GALNT14: variants seen among roughly 807,000 people sequenced by gnomAD.
GALNT14 encodes UDP-GalNAc:polypeptide N-acetylgalactosaminyltransferase 14.
In GALNT14, 60 loss-of-function variants were observed where a neutral mutation model predicts 77.5. The ratio of observed to expected loss-of-function variants is 0.77; its 90% CI spans 0.63 to 0.96. The LOEUF (loss-of-function observed/expected upper bound fraction) is 0.96. GALNT14 is among the 40% of genes least tolerant of loss of function. The pLI is 0.00. For synonymous variants in GALNT14, 280 were observed against 281.7 expected (o/e 0.99, Z 0.06); for missense variants, 710 against 731.0 (o/e 0.97, Z 0.33).
intron 3 of GALNT14, among the ~76,000 whole-genome samples, chr2:30,964,452 C>T (rs1667876653): frequency 6.6e-6 from 1 of 152,224 alleles, no homozygotes; most frequent in Non-Finnish European, 1.5e-5. Context: ...CTGTTGTCCC[C>T]ACACTTAACC....
At chr2:30,937,062 G>A (rs1666098382) in intron 9 of GALNT14, among the ~76,000 whole-genome samples, 1 of 152,182 alleles carries the variant, frequency 6.6e-6, no homozygotes, top group Non-Finnish European at 1.5e-5. Context: ...CTCTCCATCT[G>A]GGGGAAAAGC....
intron 1 of GALNT14, among the ~76,000 whole-genome samples, chr2:31,022,883 T>C (rs10207139): frequency 0.24 from 35,934 of 152,150 alleles, 4,661 homozygotes; most frequent in African/African-American, 0.34. Flanking sequence ...TCCCCGCCTA[T>C]GGGTGCCCTG....
intron 3 of GALNT14, among the ~76,000 whole-genome samples, chr2:30,964,890 G>A (rs757026371): frequency 2.0e-5 from 3 of 152,168 alleles, no homozygotes; most frequent in African/African-American, 4.8e-5. Context: ...GCCATGCGGC[G>A]GCGGGAGAGA....
chr2:31,083,420 G>C (rs140577845), intron 1 of GALNT14, among the ~76,000 whole-genome samples: 2 of 152,176 alleles, frequency 1.3e-5, no homozygotes, highest in East Asian at 1.9e-4. Flanking sequence ...AATCATTAAC[G>C]AGCTGTCTGG....
chr2:31,058,262 C>G (rs1021152890), intron 1 of GALNT14, among the ~76,000 whole-genome samples: 1 of 152,176 alleles, frequency 6.6e-6, no homozygotes, highest in African/African-American at 2.4e-5. Context: ...GAGCCTCAGC[C>G]CCTGACCCGT....
At chr2:30,897,685 C>T in the GALNT14 span, among the ~76,000 whole-genome samples, 1 of 152,180 alleles carries the variant, frequency 6.6e-6, no homozygotes, top group Non-Finnish European at 1.5e-5. Flanking sequence ...GTAGCTTCTC[C>T]ACAGGGCTCA....
chr2:30,931,219 G>A (rs1043160647), intron 10 of GALNT14, among the ~76,000 whole-genome samples: 1 of 152,118 alleles, frequency 6.6e-6, no homozygotes, highest in Non-Finnish European at 1.5e-5. Flanking sequence ...GCTGTGTTGG[G>A]GTGGCTGTGT....
chr2:31,076,024 C>T lies in GALNT14; in HGVS notation c.129+61934G>A, dbSNP rs183922929. Among the ~76,000 whole-genome samples, 381 of 152,290 alleles carry T rather than the reference C, an allele frequency of 2.5e-3. 3 individuals are homozygous for T. The highest frequency in any genetic ancestry group is 8.8e-3 in the African/African-American group (367 of 41,552). ...TCTAGACTGAATGAATCAACCTATC[C>T]GTCTACCTGGTCAGAAGCTGTCTTA... is the stretch of plus-strand genomic sequence containing the variant. On this transcript the variant is annotated intron_variant, in intron 1 of 14. Transcript: ENST00000349752.
At chr2:30,998,371 T>C (rs1670164540) in intron 1 of GALNT14, among the ~76,000 whole-genome samples, 1 of 152,174 alleles carries the variant, frequency 6.6e-6, no homozygotes, top group Non-Finnish European at 1.5e-5. Flanking sequence ...CTCCCTTCTG[T>C]TAGGATTTAA....
chr2:30,927,209 C>T (rs1267396665), intron 11 of GALNT14, among the ~76,000 whole-genome samples: 2 of 152,090 alleles, frequency 1.3e-5, no homozygotes, highest in African/African-American at 2.4e-5. Flanking sequence ...GGCCACACCC[C>T]AGAGCAAGTA....
chr2:30,912,341 A>T lies in GALNT14; in HGVS notation c.1382T>A (p.Val461Glu). The T allele has an allele frequency of 6.2e-7, 1 of 1,613,832 alleles. No individual in the cohort carries two copies. Among genetic ancestry groups the T allele is most frequent in the South Asian group, 1.1e-5 (1 of 91,032 alleles). Residue 461 changes from valine (V) to glutamate (E), a missense_variant and splice_region_variant, in exon 14 of 15, where the codon GTA (valine) becomes GAA (glutamate). By Grantham distance (121) the Val-to-Glu change is moderately radical. Transcript: ENST00000349752. ...CTGCTGGGTGTATGTGAAGGCCCAT[A>T]CCTGGGGAGAAAGAGACCAGGAAGG... ...KVKGEDAKSQ[V>E]WAFTYTQQIL...
At chr2:31,103,899 T>C (rs1677419822) in intron 1 of GALNT14, among the ~76,000 whole-genome samples, 1 of 152,202 alleles carries the variant, frequency 6.6e-6, no homozygotes, top group Non-Finnish European at 1.5e-5. Context: ...GTTCACCCTC[T>C]ACTAATTTGT....
chr2:30,947,140 AC>A (rs901156403), intron 6 of GALNT14, among the ~76,000 whole-genome samples: 1 of 152,154 alleles, frequency 6.6e-6, no homozygotes, highest in African/African-American at 2.4e-5. Context: ...AGCCTGGAGT[AC>A]TACAATGGAC....
intron 1 of GALNT14, among the ~76,000 whole-genome samples, chr2:31,004,004 C>A (rs1670519037): frequency 6.6e-6 from 1 of 152,244 alleles, no homozygotes; most frequent in African/African-American, 2.4e-5. Context: ...CCACCAAAGA[C>A]TGAACCCAAA....
chr2:31,020,885 A>C lies in GALNT14; in HGVS notation c.130-27878T>G, dbSNP rs564933840. Among the ~76,000 whole-genome samples, 221 of 152,268 alleles carry C rather than the reference A, an allele frequency of 1.5e-3. 1 individual carries two copies. The highest frequency in any genetic ancestry group is 2.7e-3 in the Non-Finnish European group (187 of 68,010). On this transcript the variant is annotated intron_variant, in intron 1 of 14. Transcript: ENST00000349752. ...AAATAGGCTTTCCAGCAGCCTGCAC[A>C]TTTCTATAATGCCAATTACATGCTT... is the stretch of plus-strand genomic sequence containing the variant.
At chr2:31,120,353 T>C (rs1678344313) in intron 1 of GALNT14, among the ~76,000 whole-genome samples, 1 of 152,158 alleles carries the variant, frequency 6.6e-6, no homozygotes, top group Non-Finnish European at 1.5e-5. Context: ...GAGAAAGCTA[T>C]TGAAGTTCAC....
rs56163710 is a variant in GALNT14, at chr2:30,923,056, CTTTTTTT to C, written c.1380+1056_1380+1062del. 8.6e-5 allele frequency among the ~76,000 whole-genome samples: 10 copies of C among 116,536 alleles called. No individual in the cohort carries two copies. The South Asian group carries it at 8.7e-4, about 10-fold the overall frequency. 76.5% of individuals were successfully genotyped at this position (116,536 alleles called of 152,430 possible). A position where few individuals can be genotyped will look rare whatever the true frequency, so the allele number is the denominator to read the frequency against. ...GCAAGGAAGCCATAGACAAACGTGC[CTTTTTTT>C]TTTTTTTTTTTTTTTTGAAATGGAG... On this transcript the variant is annotated intron_variant, in intron 13 of 14. Transcript: ENST00000349752.
intron 11 of GALNT14, among the ~76,000 whole-genome samples, chr2:30,927,546 T>C (rs1665462195): frequency 6.6e-6 from 1 of 152,170 alleles, no homozygotes; most frequent in African/African-American, 2.4e-5. Flanking sequence ...GAATGGTTCA[T>C]CCAGAGTACA....
At chr2:30,952,825 G>A (rs1573025024) in intron 6 of GALNT14, among the ~76,000 whole-genome samples, 1 of 151,570 alleles carries the variant, frequency 6.6e-6, no homozygotes, top group African/African-American at 2.4e-5. Context: ...TTTCCAAAAT[G>A]TCTGCAATGA....
Sources: gnomAD v4.1 joint callset for allele counts (sites outside exome capture counted in the v4.1 genomes callset) on GRCh38, gnomAD v4.1.1 for gene constraint, MANE v1.5 for transcripts, NCBI Gene and HGNC (gene_info 2026-07-23, HGNC 2026-07-21) for gene names.